FNIP1: variants seen among roughly 807,000 people sequenced by gnomAD.
FNIP1 encodes folliculin-interacting protein 1.
In FNIP1, 40 loss-of-function variants were observed where a neutral mutation model predicts 124.5. That is an observed-to-expected ratio of 0.32 (90% CI 0.25 to 0.42). The LOEUF (loss-of-function observed/expected upper bound fraction) is 0.42. Among genes scored for constraint, FNIP1 ranks in the 10% least tolerant of loss-of-function variants. The pLI, the probability that FNIP1 is intolerant of heterozygous loss-of-function variation, is 1.00. For missense variants in FNIP1, 1,176 were observed against 1,403.7 expected (o/e 0.84, Z 2.59); for synonymous variants, 472 against 470.6 (o/e 1.00, Z -0.04).
chr5:131,792,343 T>C (rs1468473184), intron 1 of FNIP1, among the ~76,000 whole-genome samples: 1 of 152,028 alleles, frequency 6.6e-6, no homozygotes, highest in Admixed American at 6.6e-5. Context: ...GCATTTTTAG[T>C]AGAGATGGGG....
rs545391096 is a variant in FNIP1 at position 131,736,364 on chromosome 5, A to T, written c.220-5326T>A. 9.2e-5 allele frequency among the ~76,000 whole-genome samples: 14 copies of T among 152,356 alleles called. No homozygotes were observed. The South Asian group carries it at 2.9e-3, about 32-fold the overall frequency. On this transcript the variant is annotated intron_variant, in intron 2 of 17. Transcript: ENST00000510461. ...CAGGTTAAATAACTTCACCAAGGTT[A>T]CAAGAGCTAGTAAATCTGTTATCTA...
intron 16 of FNIP1, among the ~76,000 whole-genome samples, chr5:131,647,799 TTCAG>T (rs1255632717): frequency 1.3e-5 from 2 of 152,124 alleles, no homozygotes; most frequent in Non-Finnish European, 2.9e-5. Context: ...TTAAATATAC[TTCAG>T]TGGCACTAAG....
At position 131,647,073 on chromosome 5, in the gene FNIP1, A is replaced by C; in HGVS notation, c.3422+17T>G. ...AGGGCAATGAAAGCAAAGCCAAAAA[A>C]GAAACCATTAACATACCCCAGAACC... On this transcript the variant is annotated intron_variant, in intron 17 of 17. Coordinates refer to ENST00000510461, the MANE Select transcript of FNIP1 (RefSeq NM_133372.3). 6.2e-7 allele frequency: 1 copy of C among 1,610,350 alleles called. No homozygotes were observed. The highest frequency in any genetic ancestry group is 1.1e-5 in the South Asian group (1 of 90,884).
intron 6 of FNIP1, among the ~76,000 whole-genome samples, chr5:131,713,393 A>G (rs1324342733): frequency 6.6e-6 from 1 of 151,976 alleles, no homozygotes; most frequent in Non-Finnish European, 1.5e-5. Context: ...CATCTTCAAC[A>G]ATCTTTCCTT....
intron 13 of FNIP1, among the ~76,000 whole-genome samples, chr5:131,675,557 A>C (rs1211048251): frequency 6.6e-6 from 1 of 152,252 alleles, no homozygotes; most frequent in Non-Finnish European, 1.5e-5. Flanking sequence ...ATGAACCATT[A>C]ATACATACAA....
At chr5:131,696,075 T>C (rs796603385) in intron 11 of FNIP1, among the ~76,000 whole-genome samples, 6 of 152,260 alleles carry the variant, frequency 3.9e-5, no homozygotes, top group African/African-American at 1.2e-4. Flanking sequence ...CTCAAAGAAA[T>C]TGTCATCTCA....
At chr5:131,675,040 T>C (rs973433363) in intron 13 of FNIP1, among the ~76,000 whole-genome samples, 11 of 152,210 alleles carry the variant, frequency 7.2e-5, no homozygotes, top group Non-Finnish European at 1.2e-4. Context: ...CCCACTTTAC[T>C]TTTCCAGCTT....
chr5:131,777,745 T>C (rs1162504044), intron 1 of FNIP1, among the ~76,000 whole-genome samples: 4 of 152,080 alleles, frequency 2.6e-5, no homozygotes, highest in Non-Finnish European at 5.9e-5. Context: ...TTGCAACCAC[T>C]AATGATATCA....
chr5:131,753,068 G>A (rs190840438), intron 1 of FNIP1, among the ~76,000 whole-genome samples: 129 of 152,124 alleles, frequency 8.5e-4, no homozygotes, highest in South Asian at 6.2e-3. Context: ...GTGAAACATC[G>A]TTTCAAAACA....
chr5:131,682,079 T>G (rs906884524), intron 11 of FNIP1, among the ~76,000 whole-genome samples: 1 of 152,178 alleles, frequency 6.6e-6, no homozygotes, highest in Non-Finnish European at 1.5e-5. Context: ...TTATTGGACC[T>G]TTCAGAAATT....
intron 2 of FNIP1, among the ~76,000 whole-genome samples, chr5:131,731,756 C>T (rs946794642): frequency 6.6e-6 from 1 of 151,956 alleles, no homozygotes; most frequent in African/African-American, 2.4e-5. Context: ...CAATATTTTC[C>T]CATATTAGAA....
At chr5:131,672,989 A>C in intron 13 of FNIP1, 65 bp from the exon 14 acceptor site, 2 of 1,175,148 alleles carry the variant, frequency 1.7e-6, no homozygotes, top group Non-Finnish European at 1.2e-6. Flanking sequence ...AGCTATTTTT[A>C]ATGATCAGAA....
intron 2 of FNIP1, among the ~76,000 whole-genome samples, chr5:131,733,605 G>T (rs1313768405): frequency 6.6e-6 from 1 of 152,104 alleles, no homozygotes; most frequent in Non-Finnish European, 1.5e-5. Context: ...TTTTGTCTTT[G>T]GTTCTGTTTA....
intron 11 of FNIP1, among the ~76,000 whole-genome samples, chr5:131,681,226 T>C (rs1768067160): frequency 1.3e-5 from 2 of 152,134 alleles, no homozygotes; most frequent in Admixed American, 6.5e-5. Flanking sequence ...GTGTTAAATC[T>C]TCATGGGATT....
At chr5:131,702,099 C>A (rs936798953) in intron 10 of FNIP1, among the ~76,000 whole-genome samples, 14 of 152,196 alleles carry the variant, frequency 9.2e-5, no homozygotes, top group Non-Finnish European at 1.9e-4. Flanking sequence ...AACAGGGAAA[C>A]TGTTACTTAA....
chr5:131,699,032 C>A, intron 10 of FNIP1, 30 bp from the exon 11 acceptor site: 2 of 1,568,780 alleles, frequency 1.3e-6, no homozygotes, highest in Non-Finnish European at 1.7e-6. Context: ...ATAGTTAATT[C>A]TTATGTTAAT....
At chr5:131,657,686 C>T (rs1267751995) in intron 15 of FNIP1, among the ~76,000 whole-genome samples, 4 of 120,706 alleles carry the variant, frequency 3.3e-5, no homozygotes, top group Non-Finnish European at 6.4e-5. Flanking sequence ...GCACACAGAA[C>T]TTAACAACAG....
intron 1 of FNIP1, among the ~76,000 whole-genome samples, chr5:131,762,042 T>C (rs899646214): frequency 6.6e-6 from 1 of 152,126 alleles, no homozygotes; most frequent in Non-Finnish European, 1.5e-5. Flanking sequence ...CTGAGAAAAT[T>C]GGATATCCAT....
chr5:131,714,709 A>G (rs1769409765), intron 6 of FNIP1, among the ~76,000 whole-genome samples: 1 of 152,204 alleles, frequency 6.6e-6, no homozygotes, highest in African/African-American at 2.4e-5. Context: ...TAATCCTTCA[A>G]GCTTAAGCCT....
Sources: gnomAD v4.1 joint callset for allele counts (sites outside exome capture counted in the v4.1 genomes callset) on GRCh38, gnomAD v4.1.1 for gene constraint, MANE v1.5 for transcripts, NCBI Gene and HGNC (gene_info 2026-07-23, HGNC 2026-07-21) for gene names.